Variants in GRM1 observed in about 807,000 individuals in gnomAD.
GRM1 encodes the protein glutamate metabotropic receptor 1, also known as metabotropic glutamate receptor 1.
GRM1 carries 33 observed loss-of-function variants against 90.9 expected under a neutral mutation model. That is an observed-to-expected ratio of 0.36 (90% CI 0.28 to 0.49). The LOEUF is 0.49. Ranked by LOEUF, GRM1 falls within the 20% of genes least tolerant of loss-of-function variation. The pLI, the probability that GRM1 is intolerant of heterozygous loss-of-function variation, is 0.99. For synonymous variants in GRM1, 700 were observed against 613.2 expected (o/e 1.14, Z -2.09); for missense variants, 1,190 against 1,534.3 (o/e 0.78, Z 3.75).
At chr6:146,352,738 C>G (rs1423838014) in intron 4 of GRM1, among the ~76,000 whole-genome samples, 1 of 152,220 alleles carries the variant, frequency 6.6e-6, no homozygotes, top group African/African-American at 2.4e-5. Context: ...CATCCCCTAA[C>G]TCACCTATCA....
chr6:146,035,148 A>G (rs1290740369), intron 1 of GRM1, among the ~76,000 whole-genome samples: 3 of 151,954 alleles, frequency 2.0e-5, no homozygotes, highest in African/African-American at 4.8e-5. Flanking sequence ...AATGGTGTGA[A>G]AAAAACAGAT....
chr6:146,166,980 C>G (rs1473352721), intron 2 of GRM1, among the ~76,000 whole-genome samples: 1 of 152,120 alleles, frequency 6.6e-6, no homozygotes, highest in Non-Finnish European at 1.5e-5. Context: ...TTTGATAACT[C>G]TACGCAGTGA....
chr6:146,325,407 G>A (rs913049212), intron 3 of GRM1, among the ~76,000 whole-genome samples: 1 of 152,182 alleles, frequency 6.6e-6, no homozygotes, highest in Non-Finnish European at 1.5e-5. Context: ...ACAAGAGATT[G>A]TTCTTGCAAA....
chr6:146,121,825 A>G (rs1217258228), intron 1 of GRM1, among the ~76,000 whole-genome samples: 1 of 152,142 alleles, frequency 6.6e-6, no homozygotes, highest in East Asian at 1.9e-4. Flanking sequence ...GTTCTTTTAC[A>G]TTTGCTGAGC....
At chr6:146,374,561 T>C (rs1776023052) in intron 5 of GRM1, among the ~76,000 whole-genome samples, 1 of 152,172 alleles carries the variant, frequency 6.6e-6, no homozygotes, top group Admixed American at 6.6e-5. Context: ...TATTGTTCTG[T>C]TAAGGCTTTG....
intron 2 of GRM1, among the ~76,000 whole-genome samples, chr6:146,201,213 T>A (rs1209815913): frequency 6.6e-6 from 1 of 152,212 alleles, no homozygotes; most frequent in Admixed American, 6.5e-5. Context: ...GGAGTGCACA[T>A]GATACCTCTT....
intron 4 of GRM1, among the ~76,000 whole-genome samples, chr6:146,353,925 C>G (rs191172301): frequency 6.6e-6 from 1 of 152,294 alleles, no homozygotes; most frequent in Admixed American, 6.5e-5. Context: ...AGCCACTTTG[C>G]CCGGCCTGGC....
chr6:146,407,344 C>T (rs1424078604), intron 7 of GRM1, among the ~76,000 whole-genome samples: 1 of 152,204 alleles, frequency 6.6e-6, no homozygotes, highest in Admixed American at 6.5e-5. Context: ...AACACACTTG[C>T]TCCACAAATA....
At chr6:146,146,103 CTTTTTTTTTTTTTTTT>C (rs35329703) in intron 1 of GRM1, among the ~76,000 whole-genome samples, 111 of 19,984 alleles carry the variant, frequency 5.6e-3, no homozygotes, top group African/African-American at 0.015. Context: ...ACCATTGTAT[CTTTTTTTTTTTTTTTT>C]TTTTTTTTTT....
intron 2 of GRM1, among the ~76,000 whole-genome samples, chr6:146,280,220 T>A (rs1782517628): frequency 6.6e-6 from 1 of 152,076 alleles, no homozygotes. Flanking sequence ...TGGATAATGA[T>A]CCCTGGTGGA....
At chr6:146,316,702 C>G (rs75425188) in intron 3 of GRM1, among the ~76,000 whole-genome samples, 1 of 152,156 alleles carries the variant, frequency 6.6e-6, no homozygotes, top group African/African-American at 2.4e-5. Context: ...GCATCATCAT[C>G]CTCCTTGGCG....
chr6:146,276,318 A>G (rs1782359814), intron 2 of GRM1, among the ~76,000 whole-genome samples: 2 of 152,188 alleles, frequency 1.3e-5, no homozygotes, highest in Non-Finnish European at 2.9e-5. Context: ...TAATACCATC[A>G]TTAAAAGAGA....
At chr6:146,202,997 A>C (rs12208275) in intron 2 of GRM1, among the ~76,000 whole-genome samples, 4,580 of 151,888 alleles carry the variant, frequency 0.03, 88 homozygotes, top group South Asian at 0.057. Context: ...AGAGAGAGAC[A>C]ATCCTGGCTA....
intron 2 of GRM1, among the ~76,000 whole-genome samples, chr6:146,232,514 T>C: frequency 6.6e-6 from 1 of 152,148 alleles, no homozygotes; most frequent in Non-Finnish European, 1.5e-5. Flanking sequence ...CAAGCATTTA[T>C]CCTTTTTGTT....
intron 2 of GRM1, among the ~76,000 whole-genome samples, chr6:146,255,013 A>G (rs1229331322): frequency 1.3e-5 from 2 of 152,216 alleles, no homozygotes; most frequent in African/African-American, 4.8e-5. Flanking sequence ...TAAAAACGGT[A>G]TGAATAAAGA....
intron 2 of GRM1, among the ~76,000 whole-genome samples, chr6:146,193,275 T>C (rs1583143776): frequency 6.6e-6 from 1 of 152,318 alleles, no homozygotes; most frequent in African/African-American, 2.4e-5. Flanking sequence ...ATATATATAC[T>C]ATTTGAAATC....
chr6:146,067,119 A>G lies in GRM1; in HGVS notation c.700+36902A>G, dbSNP rs185415670. Reference sequence around the variant, plus strand: ...AATTGAACTGGTGAGTTTCTGTATTATACCCCTCACTCTGGCATTAATGAA... The same window carrying G: ...AATTGAACTGGTGAGTTTCTGTATTGTACCCCTCACTCTGGCATTAATGAA... On this transcript the variant is annotated intron_variant, in intron 1 of 7. Transcript: ENST00000282753. 3.2e-3 allele frequency among the ~76,000 whole-genome samples: 489 copies of G among 152,324 alleles called. 1 individual carries two copies. Among genetic ancestry groups the G allele is most frequent in the African/African-American group, 0.011 (474 of 41,586 alleles).
intron 3 of GRM1, among the ~76,000 whole-genome samples, chr6:146,314,040 A>G (rs190989475): frequency 2.2e-5 from 3 of 138,540 alleles, no homozygotes; most frequent in East Asian, 4.3e-4. Flanking sequence ...GTATATATCA[A>G]TAGTTAATTC....
At chr6:146,125,008 G>A (rs1268565567) in intron 1 of GRM1, among the ~76,000 whole-genome samples, 5 of 152,126 alleles carry the variant, frequency 3.3e-5, no homozygotes, top group South Asian at 2.1e-4. Context: ...ATGTAAGTGA[G>A]TTAAAAGGAT....
Sources: allele counts gnomAD v4.1 joint callset (sites outside exome capture counted in the v4.1 genomes callset), GRCh38; gene constraint gnomAD v4.1.1; transcripts MANE v1.5; gene names NCBI Gene and HGNC (gene_info 2026-07-23, HGNC 2026-07-21).